Variants in RBMS1 observed in about 807,000 individuals in gnomAD.
RBMS1 encodes RNA-binding motif, single-stranded-interacting protein 1.
A neutral mutation model predicts 62.3 loss-of-function variants in RBMS1; 17 were observed. That is an observed-to-expected ratio of 0.27 (90% CI 0.19 to 0.41). The LOEUF is 0.41. Ranked by LOEUF, RBMS1 falls within the 10% of genes least tolerant of loss-of-function variation. RBMS1 has a pLI of 1.00. For missense variants in RBMS1, 334 were observed against 504.5 expected, an observed-to-expected ratio of 0.66 and a Z score of 3.24; for synonymous variants, 172 against 170.0, an observed-to-expected ratio of 1.01 and a Z score of -0.09.
At chr2:160,301,784 G>A (rs921778346) in intron 5 of RBMS1, among the ~76,000 whole-genome samples, 18 of 152,094 alleles carry the variant, frequency 1.2e-4, no homozygotes, top group African/African-American at 3.6e-4. Context: ...TTGGCAGTTA[G>A]GTAACAATGG....
At chr2:160,452,682 A>C (rs1684042895) in intron 1 of RBMS1, among the ~76,000 whole-genome samples, 1 of 152,238 alleles carries the variant, frequency 6.6e-6, no homozygotes, top group Non-Finnish European at 1.5e-5. Context: ...TATTACGAGA[A>C]TGGTAATCAA....
intron 6 of RBMS1, among the ~76,000 whole-genome samples, chr2:160,298,419 CTA>C (rs771895058): frequency 8.5e-5 from 13 of 152,156 alleles, no homozygotes; most frequent in Admixed American, 3.9e-4. Flanking sequence ...GAGTCAATGA[CTA>C]TGAATATAAG....
At chr2:160,463,511 C>T (rs1191667053) in intron 1 of RBMS1, among the ~76,000 whole-genome samples, 2 of 152,138 alleles carry the variant, frequency 1.3e-5, no homozygotes, top group African/African-American at 2.4e-5. Context: ...CGGCCGGGCG[C>T]GGTGGCTCAG....
chr2:160,449,736 C>A (rs1683879751), intron 1 of RBMS1, among the ~76,000 whole-genome samples: 2 of 152,210 alleles, frequency 1.3e-5, no homozygotes, highest in South Asian at 4.2e-4. Flanking sequence ...ACCCTTGTTC[C>A]CATGTTTATC....
Position 160,287,049 on chromosome 2 carries a change from C to T in RBMS1, c.676G>A (p.Gly226Arg). The T allele has an allele frequency of 6.2e-7, 1 of 1,613,998 alleles. No individual in the cohort carries two copies. Residue 226 changes from glycine to arginine, a missense_variant, in exon 7 of 14, where the codon GGA becomes AGA. Transcript: ENST00000348849. Reference protein sequence around the residue: ...TEPLLCKFADGGQKKRQNPNK... With the variant: ...TEPLLCKFADRGQKKRQNPNK... ...GGGTTCTGTCTCTTTTTCTGTCCTC[C>T]ATCAGCAAACTTACACAATAAAGGT...
chr2:160,490,538 C>T (rs1685779592), intron 1 of RBMS1, among the ~76,000 whole-genome samples: 1 of 151,948 alleles, frequency 6.6e-6, no homozygotes, highest in Non-Finnish European at 1.5e-5. Context: ...TCATTTGCTC[C>T]AATATAGCCC....
Position 160,478,378 on chromosome 2 carries a change from AC to A in RBMS1, c.75+14910del, listed in dbSNP as rs1376435319. On this transcript the variant is annotated intron_variant, in intron 1 of 13. Coordinates refer to ENST00000348849, the MANE Select transcript of RBMS1 (RefSeq NM_016836.4). ...CTAGCTACAATTGTACCTTGCTTTT[AC>A]TCAATCATACAATCCTAAGAAGTTG... 2.0e-5 allele frequency among the ~76,000 whole-genome samples: 3 copies of A among 152,344 alleles called. No individual in the cohort carries two copies. In the South Asian group the frequency reaches 6.2e-4, roughly 32 times the overall value.
intron 4 of RBMS1, among the ~76,000 whole-genome samples, chr2:160,305,098 C>T (rs1026267079): frequency 6.6e-6 from 1 of 152,140 alleles, no homozygotes; most frequent in African/African-American, 2.4e-5. Flanking sequence ...TGTGATCCAC[C>T]CACCTTGGCC....
intron 1 of RBMS1, among the ~76,000 whole-genome samples, chr2:160,384,068 G>A (rs1296587290): frequency 1.3e-5 from 2 of 152,166 alleles, no homozygotes; most frequent in African/African-American, 2.4e-5. Flanking sequence ...GTGGTGGCAG[G>A]TGCCTGTAGT....
At chr2:160,333,199 T>C (rs1240982987) in intron 2 of RBMS1, among the ~76,000 whole-genome samples, 1 of 152,028 alleles carries the variant, frequency 6.6e-6, no homozygotes, top group Non-Finnish European at 1.5e-5. Context: ...GGCAGGGATA[T>C]GAAATGATTA....
At chr2:160,286,127 T>A (rs1559320989) in intron 7 of RBMS1, among the ~76,000 whole-genome samples, 2 of 150,800 alleles carry the variant, frequency 1.3e-5, no homozygotes, top group African/African-American at 2.4e-5. Flanking sequence ...AAAAAATAAA[T>A]AAAAAAATAA....
rs1553533493 is a variant in RBMS1 at position 160,475,874 on chromosome 2, T to TG, written c.75+17414dup. Among the ~76,000 whole-genome samples, 964 of 142,076 alleles carry TG rather than the reference T, an allele frequency of 6.8e-3. 7 individuals are homozygous for TG. The highest frequency in any genetic ancestry group is 0.017 in the African/African-American group (635 of 38,378). 93.2% of individuals were successfully genotyped at this position (142,076 alleles called of 152,430 possible). On this transcript the variant is annotated intron_variant, in intron 1 of 13. Transcript: ENST00000348849. ...TGGGCCCCCCATTTTTTTTTTTTTT[T>TG]GAGAAGGGTTCTCACTCCATCACCC... is the stretch of plus-strand genomic sequence containing the variant.
At chr2:160,383,996 G>A (rs1021104944) in intron 1 of RBMS1, among the ~76,000 whole-genome samples, 1 of 152,170 alleles carries the variant, frequency 6.6e-6, no homozygotes, top group Non-Finnish European at 1.5e-5. Context: ...AGGAGATCGA[G>A]ACCATCCTGG....
intron 1 of RBMS1, among the ~76,000 whole-genome samples, chr2:160,461,719 T>C (rs1266988104): frequency 6.6e-6 from 1 of 152,256 alleles, no homozygotes; most frequent in Non-Finnish European, 1.5e-5. Flanking sequence ...CACTGCTCTG[T>C]ACTCCATTTG....
intron 1 of RBMS1, among the ~76,000 whole-genome samples, chr2:160,422,519 T>A (rs1417048342): frequency 6.6e-6 from 1 of 152,184 alleles, no homozygotes; most frequent in African/African-American, 2.4e-5. Context: ...ATTATTCTCA[T>A]TTTCAGACCT....
intron 4 of RBMS1, among the ~76,000 whole-genome samples, chr2:160,308,736 C>T (rs1176244882): frequency 6.6e-6 from 1 of 152,106 alleles, no homozygotes; most frequent in East Asian, 1.9e-4. Context: ...TTTTCCTTAG[C>T]CAATGTATAG....
chr2:160,414,977 T>C (rs66521938), intron 1 of RBMS1, among the ~76,000 whole-genome samples: 14,991 of 152,212 alleles, frequency 0.098, 1,238 homozygotes, highest in African/African-American at 0.23. Flanking sequence ...AGTGAATTTG[T>C]AGCTATAGAT....
intron 1 of RBMS1, among the ~76,000 whole-genome samples, chr2:160,416,614 CT>C (rs531583888): frequency 6.6e-6 from 1 of 152,090 alleles, no homozygotes; most frequent in Non-Finnish European, 1.5e-5. Flanking sequence ...CAGTGCCGAC[CT>C]TTTTTTGAAC....
intron 1 of RBMS1, among the ~76,000 whole-genome samples, chr2:160,467,207 G>C (rs200303103): frequency 1.8e-5 from 2 of 112,172 alleles, no homozygotes; most frequent in Admixed American, 1.8e-4. Context: ...GGGGTAAAAA[G>C]AAAAAAAAAA....
Sources: allele counts gnomAD v4.1 joint callset (sites outside exome capture counted in the v4.1 genomes callset), GRCh38; gene constraint gnomAD v4.1.1; transcripts MANE v1.5; gene names NCBI Gene and HGNC (gene_info 2026-07-23, HGNC 2026-07-21).